Variants in HELB observed in about 807,000 individuals in gnomAD.
HELB encodes DNA helicase B.
Under a neutral mutation model 101.7 loss-of-function variants are expected in HELB, and 96 were observed. That is an observed-to-expected ratio of 0.94 (90% confidence interval 0.80 to 1.12). The LOEUF (loss-of-function observed/expected upper bound fraction) is 1.12. Among genes scored for constraint, HELB ranks in the 50% most tolerant of loss-of-function variants. The pLI, the probability that HELB is intolerant of heterozygous loss-of-function variation, is 0.00. For synonymous variants in HELB, 437 were observed against 459.7 expected (o/e 0.95, Z 0.63); for missense variants, 1,210 against 1,291.9 (o/e 0.94, Z 0.97).
Position 66,310,134 on chromosome 12 carries a change from G to C in HELB, c.1206G>C (p.Leu402Phe). 2.5e-6 allele frequency: 4 copies of C among 1,614,214 alleles called. No homozygotes were observed. The highest frequency in any genetic ancestry group is 3.4e-6 in the Non-Finnish European group (4 of 1,180,042). The change falls in exon 4 of 13, where the codon TTG (leucine) becomes TTC (phenylalanine). Residue 402 changes from leucine (L) to phenylalanine (F), a missense_variant. Physicochemically the swap from Leu to Phe is conservative, Grantham distance 22 (BLOSUM62 0). Coordinates refer to ENST00000247815, the MANE Select transcript of HELB (RefSeq NM_001370285.1). ...TKPENSSDDA[L>F]NESKPDEVRL... ...CTGAGAATTCAAGCGATGATGCATT[G>C]AATGAGAGCAAACCTGATGAAGTAA...
At chr12:66,322,501 G>T (rs1279060339) in intron 8 of HELB, among the ~76,000 whole-genome samples, 2 of 150,574 alleles carry the variant, frequency 1.3e-5, no homozygotes, top group East Asian at 3.9e-4. Context: ...GGAGGTGGAG[G>T]TTGCAGTGAG....
chr12:66,332,755 G>A (rs1449823590), intron 12 of HELB, among the ~76,000 whole-genome samples: 1 of 152,216 alleles, frequency 6.6e-6, no homozygotes, highest in African/African-American at 2.4e-5. Context: ...CAAGGCTTCA[G>A]GTGTCCGTTA....
chr12:66,304,794 G>A lies in HELB; in HGVS notation c.251G>A (p.Gly84Asp). 10 of 1,614,036 alleles carry A rather than the reference G, an allele frequency of 6.2e-6. No individual in the cohort carries two copies. The highest frequency in any genetic ancestry group is 8.5e-6 in the Non-Finnish European group (10 of 1,179,958). Residue 84 changes from glycine to aspartate, a missense_variant, in exon 2 of 13, where the codon GGT becomes GAT. Gly to Asp is a moderately conservative substitution (Grantham distance 94). Coordinates refer to ENST00000247815, the MANE Select transcript of HELB (RefSeq NM_001370285.1). Reference protein sequence around the residue: ...CKVFGRFPITGAWWRVKVQVK... With the variant: ...CKVFGRFPITDAWWRVKVQVK... ...GTGTTTGGACGTTTTCCGATAACAG[G>A]TGCTTGGTGGAGAGTGAAGGTACAA...
chr12:66,333,104 G>A (rs1013596783), intron 12 of HELB, among the ~76,000 whole-genome samples: 8 of 152,126 alleles, frequency 5.3e-5, no homozygotes, highest in Non-Finnish European at 8.8e-5. Context: ...AATGTTAAGG[G>A]AGGAAAGCGC....
rs544123650 is a variant in HELB at position 66,310,408 on chromosome 12, C to T, written c.1480C>T (p.Gln494Ter). The stretch of plus-strand genomic sequence containing the variant: ...TAGCCGTCTTTTTAAGCATATAGAG[C>T]AGTTGGAAGAAAGAGAAGTAAAAAA... The part of the protein sequence containing the change: ...IVSRLFKHIE[Q>*]LEEREVKKAC... The change falls in exon 4 of 13, where the codon CAG (glutamine) becomes TAG (stop). Residue 494 changes from glutamine (Q) to a stop codon, truncating the protein, a stop_gained. Transcript: ENST00000247815. LOFTEE classifies it high-confidence loss of function. The T allele has an allele frequency of 6.2e-7, 1 of 1,613,994 alleles. No individual in the cohort carries two copies. Among genetic ancestry groups the T allele is most frequent in the East Asian group, 2.2e-5 (1 of 44,876 alleles).
chr12:66,314,989 G>A (rs1565638503), intron 5 of HELB, among the ~76,000 whole-genome samples: 1 of 150,632 alleles, frequency 6.6e-6, no homozygotes, highest in Non-Finnish European at 1.5e-5. Flanking sequence ...AATGTCTAAG[G>A]CCTGTTTTTT....
intron 11 of HELB, 63 bp from the exon 12 acceptor site, chr12:66,331,091 G>C (rs1473653122): frequency 6.6e-7 from 1 of 1,518,512 alleles, no homozygotes; most frequent in Non-Finnish European, 8.8e-7. Flanking sequence ...TCCTTTCCTT[G>C]TCTGTAAACT....
intron 4 of HELB, among the ~76,000 whole-genome samples, chr12:66,313,561 A>G (rs773851991): frequency 8.2e-4 from 124 of 152,078 alleles, no homozygotes; most frequent in Non-Finnish European, 1.4e-3. Flanking sequence ...GTTTTTAAAA[A>G]GTTTTGAGGT....
rs186592689 is a variant in HELB, at chr12:66,321,888, T to G, written c.2156-60T>G. 12 of 688,468 alleles carry G rather than the reference T, an allele frequency of 1.7e-5. No individual in the cohort carries two copies. In the East Asian group the frequency reaches 3.5e-4, roughly 20 times the overall value. 42.6% of individuals were successfully genotyped at this position (688,468 alleles called of 1,614,324 possible). On this transcript the variant is annotated intron_variant, in intron 7 of 12. Transcript: ENST00000247815. Reference sequence around the variant, plus strand: ...CAGGAATCCCAGATTAGTTTCTTCATAGAAATTGTGTTATAATTTGGTGAT... The same window carrying G: ...CAGGAATCCCAGATTAGTTTCTTCAGAGAAATTGTGTTATAATTTGGTGAT...
intron 11 of HELB, 77 bp downstream of exon 11, chr12:66,325,203 T>G: frequency 9.6e-7 from 1 of 1,040,236 alleles, no homozygotes; most frequent in Non-Finnish European, 1.4e-6. Flanking sequence ...CGTAAATTTT[T>G]GTTGCACTTA....
Position 66,322,024 on chromosome 12 carries a change from T to G in HELB, c.2232T>G (p.Phe744Leu). ...CAAAAACATCACAATTTATTGCATT[T>G]AGAAGGTAAAGCATTTATAATATTT... ...QNAKTSQFIA[F>L]RRQDCDLIND... The change falls in exon 8 of 13, where the codon TTT becomes TTG. Residue 744 changes from phenylalanine to leucine, a missense_variant. Coordinates refer to ENST00000247815, the MANE Select transcript of HELB (RefSeq NM_001370285.1). The G allele has an allele frequency of 9.1e-7, 1 of 1,104,008 alleles. No individual in the cohort carries two copies. Among genetic ancestry groups the G allele is most frequent in the Non-Finnish European group, 1.3e-6 (1 of 750,638 alleles). 68.4% of individuals were successfully genotyped at this position (1,104,008 alleles called of 1,614,324 possible).
intron 11 of HELB, among the ~76,000 whole-genome samples, chr12:66,330,131 A>G (rs761069772): frequency 5.3e-5 from 8 of 152,170 alleles, no homozygotes; most frequent in Non-Finnish European, 8.8e-5. Flanking sequence ...AATGGGGGAG[A>G]TAATGGTACA....
Position 66,315,188 on chromosome 12 carries a change from T to C in HELB, c.1859-54T>C. The C allele has an allele frequency of 2.3e-6, 3 of 1,325,806 alleles. No individual in the cohort carries two copies. In the East Asian group the frequency reaches 7.5e-5, roughly 33 times the overall value. 82.1% of individuals were successfully genotyped at this position (1,325,806 alleles called of 1,614,324 possible). A position where few individuals can be genotyped will look rare whatever the true frequency, so the allele number is the denominator to read the frequency against. ...ACTGTTAAATAATTTTAAACAATCT[T>C]GGGGGTATTTTTTCTCAGAGTAAGT... On this transcript the variant is annotated intron_variant, in intron 5 of 12. Coordinates refer to ENST00000247815, the MANE Select transcript of HELB (RefSeq NM_001370285.1).
chr12:66,336,195 A>G (rs1215923645), intron 12 of HELB, among the ~76,000 whole-genome samples: 3 of 152,152 alleles, frequency 2.0e-5, no homozygotes, highest in East Asian at 3.8e-4. Flanking sequence ...TCATACTTTT[A>G]TTCTTCTAGT....
intron 12 of HELB, among the ~76,000 whole-genome samples, chr12:66,332,659 C>T (rs1168309): frequency 0.5 from 75,904 of 151,966 alleles, 19,441 homozygotes; most frequent in East Asian, 0.58. Flanking sequence ...TTGTTGCTAA[C>T]TTTTTACTGT....
intron 12 of HELB, 81 bp downstream of exon 12, chr12:66,331,726 T>TATTAGTC: frequency 1.5e-6 from 2 of 1,315,396 alleles, no homozygotes; most frequent in Non-Finnish European, 2.1e-6. Flanking sequence ...TGTGTGCTTT[T>TATTAGTC]ATTAGTGTTG....
intron 12 of HELB, among the ~76,000 whole-genome samples, chr12:66,336,405 A>C (rs962587452): frequency 6.6e-6 from 1 of 152,216 alleles, no homozygotes; most frequent in African/African-American, 2.4e-5. Context: ...AGAAAAAAAA[A>C]GGTGGGATTA....
intron 3 of HELB, 142 bp downstream of exon 3, chr12:66,306,656 A>G (rs1200081552): frequency 2.2e-6 from 1 of 448,728 alleles, no homozygotes; most frequent in East Asian, 3.5e-5. Context: ...TTGCAACTGT[A>G]CATAAACTTC....
rs1193227469 is a variant in HELB at position 66,331,295 on chromosome 12, A to G, written c.2812A>G (p.Lys938Glu). 2 of 1,614,230 alleles carry G rather than the reference A, an allele frequency of 1.2e-6. No homozygotes were observed. Among genetic ancestry groups the G allele is most frequent in the East Asian group, 2.2e-5 (1 of 44,884 alleles). The change falls in exon 12 of 13, where the codon AAA (lysine) becomes GAA (glutamate). Residue 938 changes from lysine to glutamate, a missense_variant. Coordinates refer to ENST00000247815, the MANE Select transcript of HELB (RefSeq NM_001370285.1). ...GTCTCAGCTCCGGAATGCCATTATG[A>G]AAAACAGTTTTCCTAGAAAAACTCG... ...EESQLRNAIM[K>E]NSFPRKTRLK...
Sources: gnomAD v4.1 joint callset for allele counts (sites outside exome capture counted in the v4.1 genomes callset) on GRCh38, gnomAD v4.1.1 for gene constraint, MANE v1.5 for transcripts, NCBI Gene and HGNC (gene_info 2026-07-23, HGNC 2026-07-21) for gene names.